The following RYK variants were observed in gnomAD, a reference collection of about 807,000 sequenced individuals.
RYK encodes receptor like tyrosine kinase.
RYK carries 21 observed loss-of-function variants against 70.2 expected under a neutral mutation model. The ratio of observed to expected loss-of-function variants is 0.30; its 90% CI spans 0.21 to 0.43. The LOEUF is 0.43. Among genes scored for constraint, RYK ranks in the 20% least tolerant of loss-of-function variants. The probability of loss-of-function intolerance (pLI) is 1.00; values close to 1 mark genes in which losing one functional copy is unlikely to be tolerated. For synonymous variants in RYK, 267 were observed against 278.0 expected, an observed-to-expected ratio of 0.96 and a Z score of 0.39; for missense variants, 604 against 753.3, an observed-to-expected ratio of 0.80 and a Z score of 2.32.
At chr3:134,165,844 G>GT (rs2108142633) in intron 13 of RYK, among the ~76,000 whole-genome samples, 1 of 152,300 alleles carries the variant, frequency 6.6e-6, no homozygotes, top group Admixed American at 6.5e-5. Context: ...TCCCACCACT[G>GT]TATTTTTGAA....
At chr3:134,161,816 A>T (rs2012480669) in intron 13 of RYK, among the ~76,000 whole-genome samples, 1 of 151,238 alleles carries the variant, frequency 6.6e-6, no homozygotes, top group Non-Finnish European at 1.5e-5. Flanking sequence ...ATTCTATCAA[A>T]CTTGAAAGAA....
chr3:134,176,928 G>C (rs996689494), intron 11 of RYK, among the ~76,000 whole-genome samples: 1 of 151,822 alleles, frequency 6.6e-6, no homozygotes, highest in Non-Finnish European at 1.5e-5. Context: ...GGCGCCTGTA[G>C]TCCCAGCTAC....
chr3:134,168,847 A>C (rs991031446), intron 13 of RYK, among the ~76,000 whole-genome samples: 2 of 152,166 alleles, frequency 1.3e-5, no homozygotes, highest in African/African-American at 4.8e-5. Context: ...GTAGTTCAGC[A>C]GACTACTTTC....
intron 7 of RYK, among the ~76,000 whole-genome samples, chr3:134,194,109 A>C (rs1278524578): frequency 6.6e-6 from 1 of 152,030 alleles, no homozygotes; most frequent in Non-Finnish European, 1.5e-5. Flanking sequence ...TGCACATGTG[A>C]TTTTCTAATT....
In RYK at chr3:134,175,690, C is replaced by T; in HGVS notation, c.1494G>A (p.Leu498=). Residue 498 remains leucine (L), a synonymous_variant, in exon 13 of 15, where the codon CTG becomes CTA. Transcript: ENST00000623711. ...RDLFPMDYHC[L]GDNENRPVRW... ...GAACTGGCCTGTTTTCATTGTCCCCCAGACAGTGATAGTCCATGGGGAACA... is the reference window on the plus strand; with the variant it reads ...GAACTGGCCTGTTTTCATTGTCCCCTAGACAGTGATAGTCCATGGGGAACA... The T allele has an allele frequency of 6.2e-7, 1 of 1,613,872 alleles. No individual in the cohort carries two copies. The highest frequency in any genetic ancestry group is 1.1e-5 in the South Asian group (1 of 91,072).
At chr3:134,196,283 G>C (rs149418033) in intron 6 of RYK, among the ~76,000 whole-genome samples, 45 of 152,226 alleles carry the variant, frequency 3.0e-4, no homozygotes, top group African/African-American at 7.7e-4. Flanking sequence ...TAGAAATTCA[G>C]CATGAAGGGT....
intron 1 of RYK, among the ~76,000 whole-genome samples, chr3:134,236,555 T>C (rs1018697374): frequency 1.3e-5 from 2 of 152,184 alleles, no homozygotes; most frequent in African/African-American, 4.8e-5. Flanking sequence ...CTCCCATTTT[T>C]GCACAAGAGT....
intron 2 of RYK, among the ~76,000 whole-genome samples, chr3:134,218,253 A>G (rs997128213): frequency 1.3e-5 from 2 of 152,094 alleles, no homozygotes; most frequent in Admixed American, 1.3e-4. Flanking sequence ...AAAAGCCCTA[A>G]CTGCTCAGAA....
intron 1 of RYK, among the ~76,000 whole-genome samples, chr3:134,242,012 G>A (rs1384753636): frequency 1.3e-5 from 2 of 152,092 alleles, no homozygotes; most frequent in African/African-American, 2.4e-5. Flanking sequence ...ATATAAGAAT[G>A]AGAATGAGGC....
chr3:134,173,565 C>T (rs970621312), intron 13 of RYK, among the ~76,000 whole-genome samples: 4 of 152,050 alleles, frequency 2.6e-5, no homozygotes, highest in Non-Finnish European at 5.9e-5. Context: ...TGAGTGTGAG[C>T]AGGGGAAATG....
chr3:134,221,536 T>A (rs1046437018), intron 2 of RYK, among the ~76,000 whole-genome samples: 2 of 152,126 alleles, frequency 1.3e-5, no homozygotes, highest in Non-Finnish European at 2.9e-5. Context: ...TTCTGTAATA[T>A]TTAAATTTTC....
chr3:134,204,424 G>A (rs1221885582), intron 5 of RYK, among the ~76,000 whole-genome samples: 28 of 152,032 alleles, frequency 1.8e-4, no homozygotes, highest in African/African-American at 5.5e-4. Flanking sequence ...ACTTGAACCC[G>A]GGAGGCAGAG....
chr3:134,210,747 T>A (rs1450977317), intron 3 of RYK, among the ~76,000 whole-genome samples: 1 of 152,194 alleles, frequency 6.6e-6, no homozygotes, highest in Admixed American at 6.5e-5. Flanking sequence ...TGAGTGCCTA[T>A]CCTGCACCAT....
intron 1 of RYK, among the ~76,000 whole-genome samples, chr3:134,234,489 G>A (rs943822511): frequency 6.6e-6 from 1 of 151,982 alleles, no homozygotes; most frequent in Non-Finnish European, 1.5e-5. Context: ...TTTGACAATG[G>A]GACTGAAATA....
intron 3 of RYK, among the ~76,000 whole-genome samples, 193 bp from the exon 4 acceptor site, chr3:134,210,022 T>C (rs1236300260): frequency 6.6e-6 from 1 of 152,214 alleles, no homozygotes; most frequent in African/African-American, 2.4e-5. Context: ...ACATTAAGCA[T>C]TTAATTCATT....
At chr3:134,195,317 T>C in intron 6 of RYK, 135 bp from the exon 7 acceptor site, 1 of 626,358 alleles carries the variant, frequency 1.6e-6, no homozygotes, top group Non-Finnish European at 2.8e-6. Context: ...ATTCATGATG[T>C]TCCAATACTG....
chr3:134,168,776 TAA>T (rs2012786529), intron 13 of RYK, among the ~76,000 whole-genome samples: 1 of 151,846 alleles, frequency 6.6e-6, no homozygotes, highest in Non-Finnish European at 1.5e-5. Flanking sequence ...TAATAAAAAA[TAA>T]AATAATAATA....
chr3:134,184,536 G>T (rs908166246), intron 9 of RYK, among the ~76,000 whole-genome samples: 2 of 152,088 alleles, frequency 1.3e-5, no homozygotes, highest in Non-Finnish European at 2.9e-5. Context: ...TGAAGCAGGG[G>T]GATCACTTAA....
chr3:134,158,447 A>G (rs1370192846), intron 14 of RYK, among the ~76,000 whole-genome samples, 183 bp from the exon 15 acceptor site: 1 of 152,236 alleles, frequency 6.6e-6, no homozygotes, highest in East Asian at 1.9e-4. Context: ...AATTATTTGG[A>G]TTATGTGTGA....
Sources: allele counts gnomAD v4.1 joint callset (sites outside exome capture counted in the v4.1 genomes callset), GRCh38; gene constraint gnomAD v4.1.1; transcripts MANE v1.5; gene names NCBI Gene and HGNC (gene_info 2026-07-23, HGNC 2026-07-21).